GRIK4: variants seen among roughly 807,000 people sequenced by gnomAD.
The protein encoded by GRIK4 is glutamate ionotropic receptor kainate type subunit 4, also known as glutamate receptor ionotropic, kainate 4.
In GRIK4, 40 loss-of-function variants were observed where a neutral mutation model predicts 104.9. The ratio of observed to expected loss-of-function variants is 0.38; its 90% CI spans 0.30 to 0.50. GRIK4 has a LOEUF of 0.50. Among genes scored for constraint, GRIK4 ranks in the 20% least tolerant of loss-of-function variants. The probability of loss-of-function intolerance (pLI) is 0.93; values close to 1 mark genes in which losing one functional copy is unlikely to be tolerated. For synonymous variants in GRIK4, 485 were observed against 524.9 expected (o/e 0.92, Z 1.04); for missense variants, 1,047 against 1,308.1 (o/e 0.80, Z 3.08).
chr11:120,679,734 A>G (rs1430284585), intron 3 of GRIK4, among the ~76,000 whole-genome samples: 1 of 152,126 alleles, frequency 6.6e-6, no homozygotes, highest in Non-Finnish European at 1.5e-5. Context: ...GGGCTCTCTC[A>G]TGCCTCCCAT....
At chr11:120,601,611 T>G (rs369330563) in intron 1 of GRIK4, among the ~76,000 whole-genome samples, 2 of 149,968 alleles carry the variant, frequency 1.3e-5, no homozygotes, top group African/African-American at 4.9e-5. Context: ...CATAATTGAC[T>G]GGTTTTTTTT....
chr11:120,766,591 C>T (rs1565340134), intron 3 of GRIK4, among the ~76,000 whole-genome samples: 1 of 152,150 alleles, frequency 6.6e-6, no homozygotes, highest in African/African-American at 2.4e-5. Context: ...TGTAGGAACC[C>T]GAGGGAATAT....
chr11:120,790,930 C>T (rs999416732), intron 3 of GRIK4, among the ~76,000 whole-genome samples: 5 of 152,006 alleles, frequency 3.3e-5, no homozygotes, highest in African/African-American at 9.7e-5. Flanking sequence ...AGAAAGAGCC[C>T]CCAATTCAAT....
intron 3 of GRIK4, among the ~76,000 whole-genome samples, chr11:120,720,262 G>A (rs1405868885): frequency 6.6e-5 from 10 of 152,222 alleles, no homozygotes; most frequent in Admixed American, 6.5e-4. Flanking sequence ...ATTAAGGTCT[G>A]CTGAGGTGGG....
chr11:120,955,044 GA>G (rs569754503), intron 15 of GRIK4, among the ~76,000 whole-genome samples: 5 of 151,116 alleles, frequency 3.3e-5, no homozygotes, highest in Admixed American at 6.6e-5. Flanking sequence ...ATTTTACAGG[GA>G]AAAAAAAATG....
At chr11:120,643,971 G>A (rs972424595) in intron 1 of GRIK4, among the ~76,000 whole-genome samples, 1 of 148,156 alleles carries the variant, frequency 6.7e-6, no homozygotes, top group African/African-American at 2.5e-5. Context: ...GCAGATAATA[G>A]TACTTTATAT....
chr11:120,557,908 C>T (rs971808339), intron 1 of GRIK4, among the ~76,000 whole-genome samples: 1 of 150,878 alleles, frequency 6.6e-6, no homozygotes, highest in African/African-American at 2.4e-5. Flanking sequence ...GTCCCAGCTA[C>T]TCGGGAGGCT....
chr11:120,747,196 T>C (rs1951456567), intron 3 of GRIK4, among the ~76,000 whole-genome samples: 1 of 152,186 alleles, frequency 6.6e-6, no homozygotes, highest in Non-Finnish European at 1.5e-5. Flanking sequence ...CTAATGAGTA[T>C]AGTATGATCA....
intron 1 of GRIK4, among the ~76,000 whole-genome samples, chr11:120,518,247 A>G (rs1321585476): frequency 2.6e-5 from 4 of 152,204 alleles, no homozygotes; most frequent in Non-Finnish European, 5.9e-5. Flanking sequence ...TTGGGCACAA[A>G]GCTATGCAAG....
At chr11:120,659,057 A>ATAC (rs1302467381) in intron 2 of GRIK4, among the ~76,000 whole-genome samples, 3 of 151,988 alleles carry the variant, frequency 2.0e-5, no homozygotes, top group Non-Finnish European at 4.4e-5. Flanking sequence ...AAACATTTTA[A>ATAC]TACTACTCTC....
rs1030700686 is a variant in GRIK4, at chr11:120,549,401, C to T, written c.-159+37514C>T. 2.6e-5 allele frequency among the ~76,000 whole-genome samples: 4 copies of T among 152,192 alleles called. No individual in the cohort carries two copies. Among genetic ancestry groups the T allele is most frequent in the Admixed American group, 6.5e-5 (1 of 15,288 alleles). ...AATTATAGGCGTGAGCCACCGCGCC[C>T]GGCCTTGGCTGTTCTTTAATAGAAG... On this transcript the variant is annotated intron_variant, in intron 1 of 20. Coordinates refer to ENST00000527524, the MANE Select transcript of GRIK4 (RefSeq NM_014619.5). This position sits in a 1 kb window ranked among gnomAD's most constrained non-coding sequence, Gnocchi z 4.7.
At chr11:120,632,294 A>T (rs1390188884) in intron 1 of GRIK4, among the ~76,000 whole-genome samples, 1 of 152,198 alleles carries the variant, frequency 6.6e-6, no homozygotes. Context: ...TCAGACCTCT[A>T]GCCTTCAGAA....
intron 1 of GRIK4, among the ~76,000 whole-genome samples, chr11:120,565,164 G>C (rs1027911846): frequency 3.3e-5 from 5 of 152,174 alleles, no homozygotes; most frequent in Non-Finnish European, 5.9e-5. Context: ...CGCTGTGCCT[G>C]CTCTCCTGCC....
intron 3 of GRIK4, among the ~76,000 whole-genome samples, chr11:120,708,163 G>A (rs1285181345): frequency 6.6e-6 from 1 of 152,146 alleles, no homozygotes; most frequent in Admixed American, 6.5e-5. Context: ...GCCATATTTT[G>A]ACATTACCAC....
At chr11:120,596,093 G>A (rs1364643242) in intron 1 of GRIK4, among the ~76,000 whole-genome samples, 2 of 152,216 alleles carry the variant, frequency 1.3e-5, no homozygotes, top group East Asian at 1.9e-4. Flanking sequence ...TAATCCGCCC[G>A]TCTCGGCCTC....
At chr11:120,595,693 TCA>T (rs1445522656) in intron 1 of GRIK4, among the ~76,000 whole-genome samples, 1 of 152,182 alleles carries the variant, frequency 6.6e-6, no homozygotes, top group Non-Finnish European at 1.5e-5. Context: ...CTCTCCTCCT[TCA>T]CCCAGACACC....
At chr11:120,603,897 G>A (rs1948920126) in intron 1 of GRIK4, among the ~76,000 whole-genome samples, 1 of 150,420 alleles carries the variant, frequency 6.6e-6, no homozygotes, top group Non-Finnish European at 1.5e-5. Context: ...CTGGCCGGGT[G>A]CGGTGGCTCA....
intron 14 of GRIK4, among the ~76,000 whole-genome samples, chr11:120,945,724 G>C (rs749988259): frequency 6.6e-6 from 1 of 152,180 alleles, no homozygotes; most frequent in Admixed American, 6.5e-5. Flanking sequence ...GATGTTTCAG[G>C]CAGCCTAGAT....
At chr11:120,888,054 C>T (rs1034353168) in intron 11 of GRIK4, among the ~76,000 whole-genome samples, 1 of 152,118 alleles carries the variant, frequency 6.6e-6, no homozygotes, top group Non-Finnish European at 1.5e-5. Flanking sequence ...GCCTCCCCTT[C>T]CTCAAGCTTT....
Sources: gnomAD v4.1 joint callset for allele counts (sites outside exome capture counted in the v4.1 genomes callset) on GRCh38, gnomAD v4.1.1 for gene constraint, Gnocchi (gnomAD v3.1) non-coding constraint, MANE v1.5 for transcripts, NCBI Gene and HGNC (gene_info 2026-07-23, HGNC 2026-07-21) for gene names.